The following SH3BGRL variants were observed in gnomAD, a reference collection of about 807,000 sequenced individuals.
The protein encoded by SH3BGRL is SH3 domain binding glutamate rich protein like, also known as adapter SH3BGRL.
In SH3BGRL, 7 loss-of-function variants were observed where a neutral mutation model predicts 9.8. The ratio of observed to expected loss-of-function variants is 0.72; its 90% CI spans 0.41 to 1.35. The LOEUF is 1.35. Among genes scored for constraint, SH3BGRL ranks in the 40% most tolerant of loss-of-function variants. SH3BGRL has a pLI of 0.01. For missense variants in SH3BGRL, 73 were observed against 84.4 expected (o/e 0.86, Z 0.53); for synonymous variants, 36 against 29.1 (o/e 1.24, Z -0.76).
At chrX:81,234,167 C>A (rs780310235) in intron 1 of SH3BGRL, among the ~76,000 whole-genome samples, 6 of 111,533 alleles carry the variant, frequency 5.4e-5, no homozygotes, top group Non-Finnish European at 1.1e-4. Context: ...TCTTTATTGG[C>A]CCTTTCTAAA....
chrX:81,205,504 G>A (rs5959842), intron 1 of SH3BGRL, among the ~76,000 whole-genome samples: 4,011 of 85,042 alleles, frequency 0.047, 99 homozygotes, highest in Middle Eastern at 0.075. Flanking sequence ...GTGTGTGTGT[G>A]TATATATATA....
intron 1 of SH3BGRL, among the ~76,000 whole-genome samples, chrX:81,270,921 G>A (rs1382600084): frequency 9.0e-6 from 1 of 111,721 alleles, no homozygotes; most frequent in African/African-American, 3.3e-5. Context: ...TTTACATTGT[G>A]AGCATGGAAC....
intron 1 of SH3BGRL, among the ~76,000 whole-genome samples, chrX:81,208,073 G>A (rs1433846898): frequency 1.8e-5 from 2 of 110,941 alleles, no homozygotes; most frequent in Non-Finnish European, 3.8e-5. Flanking sequence ...TGGCTAACAC[G>A]GTGAGACCCC....
rs183664265 is a variant in SH3BGRL, at chrX:81,288,336, T to C, written c.313-8859T>C. 4.2e-3 allele frequency among the ~76,000 whole-genome samples: 474 copies of C among 112,279 alleles called. 5 individuals are homozygous for C. The highest frequency in any genetic ancestry group is 0.015 in the African/African-American group (450 of 30,983). ...GACTGAACCACAGCTAGTATCATAC[T>C]GAATGAGGAAAAACTGAATGCCTTT... On this transcript the variant is annotated intron_variant, in intron 3 of 3. Transcript: ENST00000373212.
At chrX:81,293,358 C>T (rs1290180446) in intron 3 of SH3BGRL, among the ~76,000 whole-genome samples, 5 of 111,289 alleles carry the variant, frequency 4.5e-5, no homozygotes, top group Non-Finnish European at 9.4e-5. Context: ...TTGGTACCAG[C>T]ACAGTGGAGT....
At chrX:81,291,166 G>A (rs1471522939) in intron 3 of SH3BGRL, among the ~76,000 whole-genome samples, 1 of 111,352 alleles carries the variant, frequency 9.0e-6, no homozygotes, top group African/African-American at 3.3e-5. Context: ...TTTTTGACTA[G>A]GCATTTGCAA....
chrX:81,282,492 G>A (rs2075820782), intron 3 of SH3BGRL, among the ~76,000 whole-genome samples: 1 of 111,844 alleles, frequency 8.9e-6, no homozygotes, highest in Non-Finnish European at 1.9e-5. Flanking sequence ...TGAGACCACA[G>A]TGGAATAAAA....
intron 1 of SH3BGRL, among the ~76,000 whole-genome samples, chrX:81,232,707 A>C (rs1354346453): frequency 9.0e-6 from 1 of 110,553 alleles, no homozygotes; most frequent in South Asian, 3.8e-4. Context: ...TGTACATTTT[A>C]ATAAACACTT....
intron 1 of SH3BGRL, among the ~76,000 whole-genome samples, chrX:81,207,844 G>T (rs1201213012): frequency 8.9e-6 from 1 of 112,012 alleles, no homozygotes; most frequent in Non-Finnish European, 1.9e-5. Context: ...AACATTGGAA[G>T]AATTTGGCCC....
chrX:81,219,672 TA>T (rs1364592712), intron 1 of SH3BGRL, among the ~76,000 whole-genome samples: 9 of 111,648 alleles, frequency 8.1e-5, no homozygotes, highest in Non-Finnish European at 1.7e-4. Flanking sequence ...ATAACAGTGG[TA>T]AAAGTGGACA....
intron 3 of SH3BGRL, among the ~76,000 whole-genome samples, chrX:81,291,093 T>C (rs1602631934): frequency 1.8e-5 from 2 of 112,062 alleles, no homozygotes; most frequent in South Asian, 7.4e-4. Flanking sequence ...ACTGTGACTT[T>C]AACATATTCA....
intron 1 of SH3BGRL, among the ~76,000 whole-genome samples, chrX:81,227,397 G>T (rs2075620513): frequency 9.0e-6 from 1 of 111,503 alleles, no homozygotes; most frequent in African/African-American, 3.3e-5. Flanking sequence ...GTTCTGTTCT[G>T]CACAGTTTCT....
At chrX:81,205,504 GTATATATA>G (rs34834268) in intron 1 of SH3BGRL, among the ~76,000 whole-genome samples, 10 of 85,150 alleles carry the variant, frequency 1.2e-4, no homozygotes, top group Admixed American at 5.2e-4. Flanking sequence ...GTGTGTGTGT[GTATATATA>G]TATATATATA....
intron 1 of SH3BGRL, among the ~76,000 whole-genome samples, chrX:81,222,441 C>T (rs370860548): frequency 2.0e-4 from 21 of 106,616 alleles, no homozygotes; most frequent in Non-Finnish European, 3.5e-4. Flanking sequence ...TTTGTCCTTG[C>T]GATAGTTTGC....
At chrX:81,254,712 C>T (rs1027312027) in intron 1 of SH3BGRL, among the ~76,000 whole-genome samples, 1 of 111,305 alleles carries the variant, frequency 9.0e-6, no homozygotes. Context: ...CCAGACCAGC[C>T]TAGAGAGGGT....
At chrX:81,234,066 A>G (rs1174206129) in intron 1 of SH3BGRL, among the ~76,000 whole-genome samples, 1 of 111,525 alleles carries the variant, frequency 9.0e-6, no homozygotes, top group African/African-American at 3.3e-5. Context: ...TACTATTAAT[A>G]TTTACCTCTA....
chrX:81,216,108 T>G (rs2075580710), intron 1 of SH3BGRL, among the ~76,000 whole-genome samples: 1 of 111,839 alleles, frequency 8.9e-6, no homozygotes. Flanking sequence ...TATAAAAATC[T>G]GAATTGTATT....
intron 1 of SH3BGRL, among the ~76,000 whole-genome samples, chrX:81,264,126 T>C (rs1054753321): frequency 2.7e-5 from 3 of 110,890 alleles, no homozygotes; most frequent in African/African-American, 9.9e-5. Context: ...ATAAGGGATA[T>C]TTAGGACAGA....
chrX:81,277,212 C>T (rs370389862), intron 2 of SH3BGRL, 43 bp downstream of exon 2: 2 of 1,068,061 alleles, frequency 1.9e-6, no homozygotes, highest in Non-Finnish European at 2.6e-6. Flanking sequence ...AATAGATTGC[C>T]CCAAATCTAT....
Sources: allele counts gnomAD v4.1 joint callset (sites outside exome capture counted in the v4.1 genomes callset), GRCh38; gene constraint gnomAD v4.1.1; transcripts MANE v1.5; gene names NCBI Gene and HGNC (gene_info 2026-07-23, HGNC 2026-07-21).